Variants in MGST1 observed in about 807,000 individuals in gnomAD.
The protein encoded by MGST1 is microsomal glutathione S-transferase 1.
In MGST1, 5 loss-of-function variants were observed where a neutral mutation model predicts 8.9. The observed-to-expected ratio is 0.56, with a 90% CI of 0.29 to 1.19. The LOEUF (loss-of-function observed/expected upper bound fraction) is 1.19, where lower values mean the gene tolerates loss of function less well. MGST1 is among the 50% of genes most tolerant of loss of function. The pLI is 0.08. For synonymous variants in MGST1, 54 were observed against 67.8 expected (o/e 0.80, Z 1.00); for missense variants, 182 against 187.4 (o/e 0.97, Z 0.17).
chr12:16,390,679 T>C, intron 1 of MGST1, among the ~76,000 whole-genome samples: 1 of 152,232 alleles, frequency 6.6e-6, no homozygotes, highest in East Asian at 1.9e-4. Flanking sequence ...CCATGGTGTA[T>C]ATGTACACAT....
Position 16,560,460 on chromosome 12 carries a change from G to T in MGST1, n.483-29068G>T, listed in dbSNP as rs1942360119. On this transcript the variant is annotated intron_variant and non_coding_transcript_variant, in intron 4 of 4. Coordinates refer to the MGST1 transcript ENST00000538857. The surrounding 1 kb of genome is among the most constrained non-coding windows in gnomAD (Gnocchi z 5.0). The stretch of plus-strand genomic sequence containing the variant: ...CAAAGCAGTCCAGGTGGTAAACATT[G>T]TCCTTGGCACGCATCACCATCTCAA... 2 of 1,613,892 alleles carry T rather than the reference G, an allele frequency of 1.2e-6. No homozygotes were observed. The highest frequency in any genetic ancestry group is 1.7e-6 in the Non-Finnish European group (2 of 1,179,882).
intron 4 of MGST1, among the ~76,000 whole-genome samples, chr12:16,575,360 GATA>G (rs1349895358): frequency 6.6e-6 from 1 of 152,144 alleles, no homozygotes; most frequent in Non-Finnish European, 1.5e-5. Flanking sequence ...AGTCCTCTCT[GATA>G]ATGATACCTC....
At chr12:16,400,784 G>A (rs1039719139) in intron 1 of MGST1, 2 of 1,247,102 alleles carry the variant, frequency 1.6e-6, no homozygotes, top group Non-Finnish European at 1.2e-6. Flanking sequence ...GTGAAAAGGT[G>A]TTGCAATGCC....
chr12:16,448,656 T>G (rs1187656573), intron 4 of MGST1, among the ~76,000 whole-genome samples: 1 of 152,036 alleles, frequency 6.6e-6, no homozygotes, highest in East Asian at 1.9e-4. Flanking sequence ...ATAATCAGAT[T>G]GATGATTTCA....
At chr12:16,542,750 A>G (rs1470162714) in intron 4 of MGST1, among the ~76,000 whole-genome samples, 3 of 152,174 alleles carry the variant, frequency 2.0e-5, no homozygotes, top group Non-Finnish European at 4.4e-5. Context: ...CCCCGAGGCC[A>G]CCCTGTATTC....
chr12:16,411,850 AT>A (rs1435850377), intron 1 of MGST1, among the ~76,000 whole-genome samples: 1 of 152,166 alleles, frequency 6.6e-6, no homozygotes, highest in African/African-American at 2.4e-5. Flanking sequence ...CTGCCTTAAT[AT>A]TCAGGCTCAA....
In MGST1 at chr12:16,363,781, A is replaced by G; in HGVS notation, c.222-14A>G. The G allele has an allele frequency of 6.3e-7, 1 of 1,578,494 alleles. No individual in the cohort carries two copies. The highest frequency in any genetic ancestry group is 8.6e-7 in the Non-Finnish European group (1 of 1,156,420). On this transcript the variant is annotated splice_polypyrimidine_tract_variant and intron_variant, in intron 3 of 3. Coordinates refer to ENST00000396210, the MANE Select transcript of MGST1 (RefSeq NM_020300.5). The surrounding 1 kb of genome is among the most constrained non-coding windows in gnomAD (Gnocchi z 4.6). ...TTTGAAATTAGTGTCTTTAATAGTT[A>G]TCTTTTTCCACAGAGCCCACCTGAA... is the stretch of plus-strand genomic sequence containing the variant.
At chr12:16,396,267 G>T (rs1336636794) in intron 1 of MGST1, among the ~76,000 whole-genome samples, 1 of 151,986 alleles carries the variant, frequency 6.6e-6, no homozygotes, top group Non-Finnish European at 1.5e-5. Context: ...AGCAAAATTG[G>T]CATACAAGGA....
Position 16,364,070 on chromosome 12 carries a change from G to T in MGST1, c.*29G>T. The T allele has an allele frequency of 6.4e-7, 1 of 1,553,420 alleles. No homozygotes were observed. The highest frequency in any genetic ancestry group is 8.7e-7 in the Non-Finnish European group (1 of 1,148,142). ...AAATCATACAACTCAGCATCCAGTT[G>T]GCTTTTTAAGAATTCTGTACTTCCA... On this transcript the variant is annotated 3_prime_UTR_variant, in exon 4 of 4. Coordinates refer to ENST00000396210, the MANE Select transcript of MGST1 (RefSeq NM_020300.5). This position sits in a 1 kb window ranked among gnomAD's most constrained non-coding sequence, Gnocchi z 5.7.
intron 4 of MGST1, among the ~76,000 whole-genome samples, chr12:16,563,051 C>A (rs1942457049): frequency 6.6e-6 from 1 of 152,196 alleles, no homozygotes; most frequent in Non-Finnish European, 1.5e-5. Context: ...TTCTTCCACG[C>A]ACTTTCCCTG....
At chr12:16,359,613 TA>T (rs1283347758) in intron 3 of MGST1, among the ~76,000 whole-genome samples, 1 of 151,468 alleles carries the variant, frequency 6.6e-6, no homozygotes, top group Non-Finnish European at 1.5e-5. Flanking sequence ...CGAAAAAAAA[TA>T]AAAAAAAGTG....
intron 1 of MGST1, among the ~76,000 whole-genome samples, chr12:16,407,651 A>G (rs1178026197): frequency 6.6e-6 from 1 of 152,168 alleles, no homozygotes; most frequent in Non-Finnish European, 1.5e-5. Context: ...GAGCAAAGAC[A>G]TGGAATCTAC....
chr12:16,418,152 G>A (rs1480468297), intron 1 of MGST1, among the ~76,000 whole-genome samples: 2 of 152,164 alleles, frequency 1.3e-5, no homozygotes, highest in African/African-American at 2.4e-5. Context: ...CGAGTTTTAT[G>A]TGTGTCATGA....
intron 4 of MGST1, among the ~76,000 whole-genome samples, chr12:16,567,025 T>A (rs531864808): frequency 1.3e-5 from 2 of 152,060 alleles, no homozygotes; most frequent in Non-Finnish European, 2.9e-5. Context: ...CAAAACCCCA[T>A]CTCTACTAAA....
chr12:16,378,184 C>A (rs1940409951), downstream of MGST1, among the ~76,000 whole-genome samples: 1 of 152,064 alleles, frequency 6.6e-6, no homozygotes, highest in Non-Finnish European at 1.5e-5. Flanking sequence ...GCTTTTGTTG[C>A]CATTGCTTTT....
chr12:16,520,620 G>A (rs980305789), intron 4 of MGST1, among the ~76,000 whole-genome samples: 5 of 152,038 alleles, frequency 3.3e-5, no homozygotes, highest in African/African-American at 9.7e-5. Flanking sequence ...ATAGGTTTTC[G>A]CTGAGAAGTG....
intron 4 of MGST1, among the ~76,000 whole-genome samples, chr12:16,446,173 G>A (rs896717583): frequency 2.0e-5 from 3 of 151,858 alleles, no homozygotes; most frequent in Non-Finnish European, 2.9e-5. Context: ...TATCACTATC[G>A]AATTAGTGCC....
chr12:16,398,484 A>G (rs888668192), intron 1 of MGST1, among the ~76,000 whole-genome samples: 4 of 152,130 alleles, frequency 2.6e-5, no homozygotes, highest in African/African-American at 9.7e-5. Context: ...CTACATGTTG[A>G]CTTCTTTGAG....
At chr12:16,439,629 G>A (rs1245084809), downstream of MGST1, among the ~76,000 whole-genome samples, 8 of 151,720 alleles carry the variant, frequency 5.3e-5, no homozygotes, top group Non-Finnish European at 1.5e-5. Context: ...AGGTGGAGGG[G>A]TAGAAGGTGC....
Sources: gnomAD v4.1 joint callset for allele counts (sites outside exome capture counted in the v4.1 genomes callset) on GRCh38, gnomAD v4.1.1 for gene constraint, Gnocchi (gnomAD v3.1) non-coding constraint, MANE v1.5 for transcripts, NCBI Gene and HGNC (gene_info 2026-07-23, HGNC 2026-07-21) for gene names.